NBAS: variants seen among roughly 807,000 people sequenced by gnomAD.
The protein encoded by NBAS is NBAS subunit of NRZ tethering complex.
A neutral mutation model predicts 302.5 loss-of-function variants in NBAS; 219 were observed. That is an observed-to-expected ratio of 0.72 (90% CI 0.65 to 0.81). NBAS has a LOEUF of 0.81. Ranked by LOEUF, NBAS falls within the 30% of genes least tolerant of loss-of-function variation. The pLI, the probability that NBAS is intolerant of heterozygous loss-of-function variation, is 0.00. For missense variants in NBAS, 2,932 were observed against 2,841.6 expected (o/e 1.03, Z -0.72); for synonymous variants, 1,118 against 1,021.6 (o/e 1.09, Z -1.80).
the NBAS span, among the ~76,000 whole-genome samples, chr2:14,785,340 G>C: frequency 6.6e-4 from 100 of 152,228 alleles, 1 homozygote; most frequent in East Asian, 0.018. Context: ...GCCCTGGCCA[G>C]AACTTCCAAC....
the NBAS span, among the ~76,000 whole-genome samples, chr2:14,916,232 G>T: frequency 3.3e-5 from 5 of 152,168 alleles, no homozygotes; most frequent in South Asian, 1.0e-3. Context: ...GCAAATCCAG[G>T]CCTCTCTCTG....
chr2:14,907,213 A>G, the NBAS span, among the ~76,000 whole-genome samples: 1 of 152,204 alleles, frequency 6.6e-6, no homozygotes, highest in Middle Eastern at 3.2e-3. Flanking sequence ...CTGCAATTGC[A>G]GTCCCCAGCT....
chr2:15,402,815 C>T (rs1474855167), intron 25 of NBAS, among the ~76,000 whole-genome samples: 2 of 149,732 alleles, frequency 1.3e-5, no homozygotes, highest in African/African-American at 4.9e-5. Flanking sequence ...GAACACATTC[C>T]ATATTTCTGA....
the NBAS span, among the ~76,000 whole-genome samples, chr2:15,106,809 G>C: frequency 6.6e-6 from 1 of 151,986 alleles, no homozygotes. Flanking sequence ...AGTGATAGAG[G>C]GAGGTAATAC....
the NBAS span, among the ~76,000 whole-genome samples, chr2:15,059,419 A>C: frequency 6.6e-6 from 1 of 151,940 alleles, no homozygotes; most frequent in African/African-American, 2.4e-5. Flanking sequence ...CATTGTTGAC[A>C]CTTTGGACTG....
chr2:15,036,737 C>T, the NBAS span, among the ~76,000 whole-genome samples: 527 of 152,316 alleles, frequency 3.5e-3, 9 homozygotes, highest in African/African-American at 0.011. Flanking sequence ...TTGGTACTCA[C>T]GCAGCTCCTC....
At chr2:14,786,098 T>C in the NBAS span, among the ~76,000 whole-genome samples, 1 of 152,208 alleles carries the variant, frequency 6.6e-6, no homozygotes, top group Non-Finnish European at 1.5e-5. Context: ...GATTTTCTAG[T>C]TTATTTGAGT....
In NBAS at chr2:15,274,438, GAGA is replaced by G. The variant is rs913693140; in HGVS notation, c.5724+1043_5724+1045del. 7.2e-5 allele frequency among the ~76,000 whole-genome samples: 11 copies of G among 152,316 alleles called. 1 individual carries two copies. In the South Asian group the frequency reaches 1.2e-3, roughly 17 times the overall value. Reference sequence around the variant, plus strand: ...GAAGGCAACAGCAAAGATGGCAAGAGAGAAGATTAAACAGGAGCTCCAAAGGCA... The same window carrying G: ...GAAGGCAACAGCAAAGATGGCAAGAGAGATTAAACAGGAGCTCCAAAGGCA... On this transcript the variant is annotated intron_variant, in intron 44 of 51. Coordinates refer to ENST00000281513, the MANE Select transcript of NBAS (RefSeq NM_015909.4).
the NBAS span, among the ~76,000 whole-genome samples, chr2:14,849,448 G>A: frequency 1.2e-4 from 18 of 151,794 alleles, no homozygotes; most frequent in Admixed American, 2.0e-4. Context: ...CCAAATTTAC[G>A]TCTGATTGGT....
the NBAS span, among the ~76,000 whole-genome samples, chr2:14,983,941 C>T: frequency 2.8e-4 from 43 of 152,112 alleles, no homozygotes; most frequent in African/African-American, 8.5e-4. Flanking sequence ...TCAGAATCCG[C>T]GATTCATTGA....
At chr2:15,144,063 A>ATATATATATATATAT in the NBAS span, among the ~76,000 whole-genome samples, 1 of 125,936 alleles carries the variant, frequency 7.9e-6, no homozygotes, top group African/African-American at 3.1e-5. Context: ...ATATATATAT[A>ATATATATATATATAT]TATATCTCCC....
intron 48 of NBAS, among the ~76,000 whole-genome samples, chr2:15,214,464 C>T (rs1178529128): frequency 6.6e-6 from 1 of 152,130 alleles, no homozygotes; most frequent in African/African-American, 2.4e-5. Flanking sequence ...GGCAGTTATC[C>T]TTTCTGGACT....
At chr2:15,340,437 G>C (rs1357453439) in intron 35 of NBAS, among the ~76,000 whole-genome samples, 1 of 152,122 alleles carries the variant, frequency 6.6e-6, no homozygotes, top group African/African-American at 2.4e-5. Context: ...TCATTGTTTG[G>C]CAAGATGTGG....
chr2:15,184,697 G>A (rs921397185), intron 50 of NBAS, among the ~76,000 whole-genome samples: 3 of 152,184 alleles, frequency 2.0e-5, no homozygotes, highest in Non-Finnish European at 2.9e-5. Flanking sequence ...GTACCTGACA[G>A]GCCATGGACT....
At chr2:15,249,769 T>G (rs1228411287) in intron 44 of NBAS, among the ~76,000 whole-genome samples, 1 of 152,046 alleles carries the variant, frequency 6.6e-6, no homozygotes, top group Non-Finnish European at 1.5e-5. Context: ...GAAGGGCCTC[T>G]TCAAGGAGAA....
At chr2:14,866,314 C>T in the NBAS span, among the ~76,000 whole-genome samples, 2 of 152,092 alleles carry the variant, frequency 1.3e-5, no homozygotes, top group South Asian at 2.1e-4. Flanking sequence ...AAAGACCAAC[C>T]CATGTTCTCT....
At chr2:14,812,383 T>C in the NBAS span, among the ~76,000 whole-genome samples, 2 of 152,208 alleles carry the variant, frequency 1.3e-5, no homozygotes, top group African/African-American at 4.8e-5. Context: ...AAGGGATGGC[T>C]TACCAGGAGA....
At chr2:15,132,539 T>C in the NBAS span, among the ~76,000 whole-genome samples, 1 of 152,162 alleles carries the variant, frequency 6.6e-6, no homozygotes, top group African/African-American at 2.4e-5. Context: ...CCATACAATA[T>C]ACATCAACAA....
rs768537110 is a variant in NBAS at position 15,417,531 on chromosome 2, T to C, written c.2759A>G (p.Asn920Ser). The C allele has an allele frequency of 3.7e-6, 6 of 1,611,242 alleles. No homozygotes were observed. Among genetic ancestry groups the C allele is most frequent in the Middle Eastern group, 1.7e-4 (1 of 6,054 alleles). The change falls in exon 24 of 52, where the codon AAT becomes AGT. Residue 920 changes from asparagine (N) to serine (S), a missense_variant. Asn to Ser is a conservative substitution (Grantham distance 46, BLOSUM62 1). Transcript: ENST00000281513. ...KDIEKLRLLMNSCSEDKYVTS... is the reference protein window; with the variant it reads ...KDIEKLRLLMSSCSEDKYVTS... ...GGAAGTTAAAATAAAACCTACACTA[T>C]TCATCAGTAATCTTAGTTTTTCAAT...
Sources: gnomAD v4.1 joint callset for allele counts (sites outside exome capture counted in the v4.1 genomes callset) on GRCh38, gnomAD v4.1.1 for gene constraint, MANE v1.5 for transcripts, NCBI Gene and HGNC (gene_info 2026-07-23, HGNC 2026-07-21) for gene names.